The following ZNF254 variants were observed in gnomAD, a reference collection of about 807,000 sequenced individuals.
The protein encoded by ZNF254 is CTD-2017D11.1.
ZNF254 carries 10 observed loss-of-function variants against 12.4 expected under a neutral mutation model. The ratio of observed to expected loss-of-function variants is 0.80; its 90% confidence interval spans 0.50 to 1.36. The LOEUF is 1.36. Ranked by LOEUF, ZNF254 falls within the 40% of genes most tolerant of loss-of-function variation. ZNF254 has a pLI of 0.00. For synonymous variants in ZNF254, 305 were observed against 253.4 expected (o/e 1.20, Z -1.93); for missense variants, 996 against 763.9 (o/e 1.30, Z -3.58).
At chr19:24,113,764 A>G (rs957781859) in intron 3 of ZNF254, among the ~76,000 whole-genome samples, 1 of 152,240 alleles carries the variant, frequency 6.6e-6, no homozygotes, top group Non-Finnish European at 1.5e-5. Context: ...TGCAGATGAC[A>G]TGATTGTATA....
At chr19:24,109,720 C>CTT (rs59907004) in intron 3 of ZNF254, among the ~76,000 whole-genome samples, 1 of 132,336 alleles carries the variant, frequency 7.6e-6, no homozygotes, top group Non-Finnish European at 1.6e-5. Context: ...CTTTTCTTTT[C>CTT]TTTTTTTTTT....
intron 1 of ZNF254, among the ~76,000 whole-genome samples, chr19:24,089,426 T>G (rs1474091391): frequency 6.6e-6 from 1 of 152,202 alleles, no homozygotes; most frequent in Non-Finnish European, 1.5e-5. Context: ...CTATCTTCCC[T>G]AGTCACAGAT....
intron 3 of ZNF254, among the ~76,000 whole-genome samples, chr19:24,109,566 T>G (rs998382971): frequency 6.6e-6 from 1 of 152,176 alleles, no homozygotes; most frequent in African/African-American, 2.4e-5. Flanking sequence ...TCTGGTTTAA[T>G]TAAAAGATAA....
rs199955031 is a variant in ZNF254, at chr19:24,111,967, C to G, written c.253+5324C>G. ...TCTTTAGTTTAATTAGATCCCATTT[C>G]TCAATTTTGGCTTTTGTTCCCATTG... is the stretch of plus-strand genomic sequence containing the variant. On this transcript the variant is annotated intron_variant, in intron 3 of 3. Transcript: ENST00000357002. Among the ~76,000 whole-genome samples the G allele has an allele frequency of 4.4e-3, 675 of 151,930 alleles. 4 individuals carry two copies. Among genetic ancestry groups the G allele is most frequent in the Non-Finnish European group, 6.8e-3 (462 of 67,922 alleles).
intron 3 of ZNF254, among the ~76,000 whole-genome samples, chr19:24,116,822 G>T (rs1974110981): frequency 6.6e-6 from 1 of 152,024 alleles, no homozygotes; most frequent in African/African-American, 2.4e-5. Flanking sequence ...CATCTTTGTG[G>T]TTTTATCTAC....
At chr19:24,080,329 T>A (rs540097793) in intron 2 of ZNF254, 5 of 152,308 alleles carry the variant, frequency 3.3e-5, no homozygotes, top group South Asian at 2.1e-4. Flanking sequence ...TGGGCATAAA[T>A]CAGGTTGCAC....
rs1478842433 is a variant in ZNF254, at chr19:24,044,494, C to T, written c.-189-1690C>T. ...CAGAGCTTGCAGGGAGCCGAGATCG[C>T]GCCACTGCACCCCAGCCTGGGTGAC... On this transcript the variant is annotated intron_variant, in intron 1 of 4. Transcript: ENST00000613065. Among the ~76,000 whole-genome samples the T allele has an allele frequency of 3.3e-5, 5 of 151,290 alleles. No homozygotes were observed. In the East Asian group the frequency reaches 5.8e-4, roughly 18 times the overall value.
At chr19:24,068,914 T>TA (rs1236796217) in intron 2 of ZNF254, among the ~76,000 whole-genome samples, 1 of 152,178 alleles carries the variant, frequency 6.6e-6, no homozygotes, top group Non-Finnish European at 1.5e-5. Context: ...GCCAAGGTCA[T>TA]AGAGAATTAA....
At chr19:24,068,133 T>A (rs1971345907) in intron 2 of ZNF254, among the ~76,000 whole-genome samples, 1 of 152,224 alleles carries the variant, frequency 6.6e-6, no homozygotes, top group African/African-American at 2.4e-5. Context: ...CTAAGAAACG[T>A]GGCTCTCCTC....
At chr19:24,120,933 C>G (rs1974436352) in intron 3 of ZNF254, among the ~76,000 whole-genome samples, 1 of 151,922 alleles carries the variant, frequency 6.6e-6, no homozygotes, top group Non-Finnish European at 1.5e-5. Context: ...TATGCAAACT[C>G]TCGCTGTATT....
chr19:24,102,351 C>CT (rs1973085847), intron 1 of ZNF254, among the ~76,000 whole-genome samples: 1 of 146,046 alleles, frequency 6.8e-6, no homozygotes, highest in Admixed American at 6.9e-5. Context: ...GGCAATGGGG[C>CT]TAAAAAAGAT....
At position 24,126,800 on chromosome 19, in the gene ZNF254, A is replaced by G; in HGVS notation, c.800A>G (p.Lys267Arg). Reference sequence around the variant, plus strand: ...ATTCATGCTGGAGAGAAACTCTACAAATGTGAAGAATGTGGTGAAGCTTTT... The same window carrying G: ...ATTCATGCTGGAGAGAAACTCTACAGATGTGAAGAATGTGGTGAAGCTTTT... ...EIIHAGEKLYKCEECGEAFNR... is the reference protein window; with the variant it reads ...EIIHAGEKLYRCEECGEAFNR... Residue 267 changes from lysine to arginine, a missense_variant, in exon 4 of 4, where the codon AAA becomes AGA. Physicochemically the swap from Lys to Arg is conservative, Grantham distance 26. Coordinates refer to ENST00000357002, the MANE Select transcript of ZNF254 (RefSeq NM_203282.4). The G allele has an allele frequency of 6.2e-7, 1 of 1,613,216 alleles. No individual in the cohort carries two copies. The highest frequency in any genetic ancestry group is 8.5e-7 in the Non-Finnish European group (1 of 1,179,700).
At chr19:24,059,479 G>T (rs1405071141) in intron 2 of ZNF254, among the ~76,000 whole-genome samples, 1 of 152,134 alleles carries the variant, frequency 6.6e-6, no homozygotes, top group Non-Finnish European at 1.5e-5. Flanking sequence ...TTCACAGGGG[G>T]CATTGTGACA....
chr19:24,102,229 G>GTT (rs57684067), intron 1 of ZNF254, among the ~76,000 whole-genome samples: 5 of 122,982 alleles, frequency 4.1e-5, no homozygotes, highest in African/African-American at 9.1e-5. Flanking sequence ...AACAAAATTT[G>GTT]TTTTTTTTTT....
intron 3 of ZNF254, among the ~76,000 whole-genome samples, chr19:24,113,139 C>G (rs79933076): frequency 3.3e-5 from 5 of 152,134 alleles, no homozygotes; most frequent in African/African-American, 1.2e-4. Context: ...TGAAACTATT[C>G]CAATCAATAG....
At chr19:24,041,154 C>T (rs950054658) in intron 1 of ZNF254, among the ~76,000 whole-genome samples, 2 of 152,266 alleles carry the variant, frequency 1.3e-5, no homozygotes, top group Non-Finnish European at 1.5e-5. Flanking sequence ...AGCGTGCTGG[C>T]AGTCCTCAGA....
chr19:24,126,259 T>C lies in ZNF254; in HGVS notation c.259T>C (p.Cys87Arg). The change falls in exon 4 of 4, where the codon TGT (cysteine) becomes CGT (arginine). Residue 87 changes from cysteine (C) to arginine (R), a missense_variant. By Grantham distance (180) the Cys-to-Arg change is radical. Coordinates refer to ENST00000357002, the MANE Select transcript of ZNF254 (RefSeq NM_203282.4). ...TATTTTTATTTTTTTTTCAGGTATG[T>C]GTCCTCATTTTGCTCAAGACCTTTG... ...HEMVDEPPGM[C>R]PHFAQDLWPE... is the part of the protein sequence containing the mutation. The C allele has an allele frequency of 6.8e-7, 1 of 1,474,622 alleles. No individual in the cohort carries two copies. Among genetic ancestry groups the C allele is most frequent in the South Asian group, 1.6e-5 (1 of 62,432 alleles). 91.3% of individuals were successfully genotyped at this position (1,474,622 alleles called of 1,614,324 possible). A position where few individuals can be genotyped will look rare whatever the true frequency, so the allele number is the denominator to read the frequency against.
Position 24,127,094 on chromosome 19 carries a change from T to G in ZNF254, c.1094T>G (p.Leu365Arg). 6.2e-7 allele frequency: 1 copy of G among 1,613,392 alleles called. No individual in the cohort carries two copies. The highest frequency in any genetic ancestry group is 2.2e-5 in the East Asian group (1 of 44,762). The change falls in exon 4 of 4, where the codon CTT becomes CGT. Residue 365 changes from leucine to arginine, a missense_variant. By Grantham distance (102) the Leu-to-Arg change is moderately radical (BLOSUM62 -2). Coordinates refer to ENST00000357002, the MANE Select transcript of ZNF254 (RefSeq NM_203282.4). ...CGKAFSQSST[L>R]TTHKIIHTGE... Reference sequence around the variant, plus strand: ...AAAGCTTTTAGCCAGTCCTCAACCCTTACTACACATAAGATAATTCATACT... The same window carrying G: ...AAAGCTTTTAGCCAGTCCTCAACCCGTACTACACATAAGATAATTCATACT...
At chr19:24,047,774 A>G (rs879259460) in intron 2 of ZNF254, among the ~76,000 whole-genome samples, 11 of 146,092 alleles carry the variant, frequency 7.5e-5, no homozygotes, top group South Asian at 4.3e-4. Flanking sequence ...CACAACCTCT[A>G]CCTCCCTGGT....
Sources: allele counts gnomAD v4.1 joint callset (sites outside exome capture counted in the v4.1 genomes callset), GRCh38; gene constraint gnomAD v4.1.1; transcripts MANE v1.5; gene names NCBI Gene and HGNC (gene_info 2026-07-23, HGNC 2026-07-21).